Variants in TMEM38B observed in about 807,000 individuals in gnomAD.
TMEM38B encodes the protein trimeric intracellular cation channel type B.
Under a neutral mutation model 28.7 loss-of-function variants are expected in TMEM38B, and 24 were observed. The observed-to-expected ratio is 0.84, with a 90% CI of 0.61 to 1.18. The LOEUF (loss-of-function observed/expected upper bound fraction) is 1.18. Ranked by LOEUF, TMEM38B falls within the 50% of genes most tolerant of loss-of-function variation. The pLI is 0.00. For missense variants in TMEM38B, 380 were observed against 350.9 expected, an observed-to-expected ratio of 1.08 and a Z score of -0.66; for synonymous variants, 131 against 127.7, an observed-to-expected ratio of 1.03 and a Z score of -0.17.
In TMEM38B at chr9:105,772,934, A is replaced by C. The variant is rs138257857; in HGVS notation, c.661-931A>C. 5.3e-4 allele frequency among the ~76,000 whole-genome samples: 81 copies of C among 151,742 alleles called. No homozygotes were observed. In the East Asian group the frequency reaches 0.015, roughly 29 times the overall value. On this transcript the variant is annotated intron_variant, in intron 5 of 5. Transcript: ENST00000374692. Reference sequence around the variant, plus strand: ...TGTGATGAATATATACTTTTCTTCCACCTCCCCACACTGTATTGCAACTAG... The same window carrying C: ...TGTGATGAATATATACTTTTCTTCCCCCTCCCCACACTGTATTGCAACTAG...
intron 5 of TMEM38B, among the ~76,000 whole-genome samples, chr9:105,749,677 C>T (rs1259131405): frequency 6.6e-6 from 1 of 152,200 alleles, no homozygotes; most frequent in African/African-American, 2.4e-5. Context: ...ACATTTTTAT[C>T]ACTCCAAAAA....
At chr9:105,708,961 A>T (rs1835786369) in intron 2 of TMEM38B, among the ~76,000 whole-genome samples, 1 of 149,990 alleles carries the variant, frequency 6.7e-6, no homozygotes. Flanking sequence ...ATTTGTTGAG[A>T]TGAGGTCTCA....
rs761469507 is a variant in TMEM38B at position 105,705,119 on chromosome 9, C to G, written c.113-478C>G. On this transcript the variant is annotated intron_variant, in intron 1 of 5. Transcript: ENST00000374692. ...GTATAAATATCTATTCCTAAGAAAC[C>G]TTTCACCTTTAGGTTTATTTTGTTA... 2.0e-5 allele frequency among the ~76,000 whole-genome samples: 3 copies of G among 152,200 alleles called. No homozygotes were observed. In the South Asian group the frequency reaches 6.2e-4, roughly 32 times the overall value.
At chr9:105,754,577 T>G (rs1362324809) in intron 5 of TMEM38B, among the ~76,000 whole-genome samples, 1 of 152,124 alleles carries the variant, frequency 6.6e-6, no homozygotes, top group East Asian at 1.9e-4. Flanking sequence ...TGTTTGAAAC[T>G]AATGAGAACA....
intron 1 of TMEM38B, among the ~76,000 whole-genome samples, chr9:105,699,792 G>A (rs964507997): frequency 2.6e-5 from 4 of 152,054 alleles, no homozygotes; most frequent in East Asian, 1.9e-4. Context: ...GAACCCTTGC[G>A]TGTGATTGGC....
At chr9:105,706,731 G>A (rs1477006161) in intron 2 of TMEM38B, among the ~76,000 whole-genome samples, 1 of 151,940 alleles carries the variant, frequency 6.6e-6, no homozygotes, top group African/African-American at 2.4e-5. Context: ...GGGGGCGGGG[G>A]TGTCTGGAGC....
intron 5 of TMEM38B, among the ~76,000 whole-genome samples, chr9:105,757,056 C>G (rs1837860457): frequency 6.6e-6 from 1 of 152,054 alleles, no homozygotes; most frequent in Admixed American, 6.6e-5. Flanking sequence ...TCCTTCATCT[C>G]TCTCCCACCC....
At chr9:105,735,180 G>A (rs1836925853) in intron 4 of TMEM38B, among the ~76,000 whole-genome samples, 2 of 152,044 alleles carry the variant, frequency 1.3e-5, no homozygotes, top group African/African-American at 2.4e-5. Context: ...AAGTACTCTA[G>A]ACATTTTCCC....
intron 4 of TMEM38B, among the ~76,000 whole-genome samples, chr9:105,745,477 C>G (rs957023610): frequency 6.6e-6 from 1 of 152,100 alleles, no homozygotes; most frequent in Non-Finnish European, 1.5e-5. Flanking sequence ...TTTGTAGATT[C>G]TGGATATTAG....
At chr9:105,710,023 G>A (rs1248030342) in intron 2 of TMEM38B, among the ~76,000 whole-genome samples, 2 of 152,276 alleles carry the variant, frequency 1.3e-5, no homozygotes, top group East Asian at 1.9e-4. Context: ...ATTAGTTTCC[G>A]CAAGTACAAA....
intron 2 of TMEM38B, among the ~76,000 whole-genome samples, chr9:105,707,924 A>T (rs2133556651): frequency 6.6e-6 from 1 of 152,324 alleles, no homozygotes; most frequent in African/African-American, 2.4e-5. Flanking sequence ...AATATTTTTA[A>T]AAGTTATTAG....
chr9:105,696,513 T>C (rs1835295297), intron 1 of TMEM38B, among the ~76,000 whole-genome samples: 1 of 152,148 alleles, frequency 6.6e-6, no homozygotes, highest in Admixed American at 6.5e-5. Context: ...AAGAATACAT[T>C]ATTTATGTTA....
intron 4 of TMEM38B, among the ~76,000 whole-genome samples, chr9:105,730,482 T>C (rs777947299): frequency 1.3e-4 from 20 of 152,204 alleles, no homozygotes; most frequent in Admixed American, 1.3e-4. Flanking sequence ...CAGTATTTTA[T>C]TGAGGATTTT....
rs552323853 is a variant in TMEM38B, at chr9:105,768,815, A to G, written c.661-5050A>G. On this transcript the variant is annotated intron_variant, in intron 5 of 5. Transcript: ENST00000374692. ...TGTCTTTTAAAATCACTCTACCTAG[A>G]GGTTTGTCAGTTTCATGGATTTGTT... Among the ~76,000 whole-genome samples, 62 of 152,120 alleles carry G rather than the reference A, an allele frequency of 4.1e-4. 2 individuals are homozygous for G. The South Asian group carries it at 0.012, about 30-fold the overall frequency.
At chr9:105,735,422 G>A (rs1836936558) in intron 4 of TMEM38B, among the ~76,000 whole-genome samples, 1 of 152,136 alleles carries the variant, frequency 6.6e-6, no homozygotes, top group Non-Finnish European at 1.5e-5. Flanking sequence ...AGTAATTATT[G>A]TCCCTTTGCT....
At chr9:105,751,842 T>A (rs1837664985) in intron 5 of TMEM38B, among the ~76,000 whole-genome samples, 1 of 152,118 alleles carries the variant, frequency 6.6e-6, no homozygotes, top group South Asian at 2.1e-4. Context: ...GCCAGACTGC[T>A]TCTTTAAGCA....
chr9:105,746,498 A>T (rs1046294387), intron 4 of TMEM38B, among the ~76,000 whole-genome samples: 1 of 152,242 alleles, frequency 6.6e-6, no homozygotes, highest in African/African-American at 2.4e-5. Flanking sequence ...GGCGTTTTCT[A>T]AATATACAAT....
intron 2 of TMEM38B, among the ~76,000 whole-genome samples, chr9:105,706,726 C>A (rs555697334): frequency 6.6e-6 from 1 of 150,932 alleles, no homozygotes; most frequent in South Asian, 2.1e-4. Flanking sequence ...CTGGAGGGGG[C>A]GGGGGTGTCT....
At chr9:105,749,277 A>G (rs1837555164) in intron 5 of TMEM38B, 1 of 270,726 alleles carries the variant, frequency 3.7e-6, no homozygotes, top group Middle Eastern at 9.7e-4. Flanking sequence ...TGGGTAATTT[A>G]TAAAGAAAAA....
Sources: gnomAD v4.1 joint callset for allele counts (sites outside exome capture counted in the v4.1 genomes callset) on GRCh38, gnomAD v4.1.1 for gene constraint, MANE v1.5 for transcripts, NCBI Gene and HGNC (gene_info 2026-07-23, HGNC 2026-07-21) for gene names.